Variants in MRPL45 observed in about 807,000 individuals in gnomAD.
The protein encoded by MRPL45 is mitochondrial ribosomal protein L45.
Under a neutral mutation model 38.1 loss-of-function variants are expected in MRPL45, and 20 were observed. That is an observed-to-expected ratio of 0.53 (90% CI 0.37 to 0.76). The LOEUF is 0.76. Ranked by LOEUF, MRPL45 falls within the 30% of genes least tolerant of loss-of-function variation. The pLI is 0.00. For missense variants in MRPL45, 337 were observed against 395.6 expected, an observed-to-expected ratio of 0.85 and a Z score of 1.26; for synonymous variants, 105 against 128.8, an observed-to-expected ratio of 0.82 and a Z score of 1.25.
chr17:38,322,069 A>T, intron 6 of MRPL45, 57 bp from the exon 7 acceptor site: 23 of 1,551,482 alleles, frequency 1.5e-5, no homozygotes, highest in Non-Finnish European at 2.0e-5. Context: ...TAAAACAAAC[A>T]ACTCACACTC....
chr17:38,308,056 C>A (rs1052007126), intron 4 of MRPL45, among the ~76,000 whole-genome samples: 2 of 152,116 alleles, frequency 1.3e-5, no homozygotes, highest in African/African-American at 4.8e-5. Context: ...TAGGGGTATA[C>A]CACCACACCC....
At chr17:38,302,306 G>A (rs1465605256) in intron 3 of MRPL45, among the ~76,000 whole-genome samples, 1 of 151,284 alleles carries the variant, frequency 6.6e-6, no homozygotes, top group East Asian at 2.0e-4. Context: ...GGCCAACATG[G>A]TGAGATCCCA....
In MRPL45 at chr17:38,320,592, T is replaced by A. The variant is rs543557776; in HGVS notation, c.511-26T>A. The A allele has an allele frequency of 1.0e-4, 161 of 1,609,548 alleles. No individual in the cohort carries two copies. In the South Asian group the frequency reaches 1.7e-3, roughly 17 times the overall value. ...TCCTTAAAGGGAGGGAAAAATGCAG[T>A]TGAACTTGTTCTCCTTTGCCCTTAG... On this transcript the variant is annotated intron_variant, in intron 5 of 7. Transcript: ENST00000613675.
chr17:38,307,410 G>C (rs567442883), intron 4 of MRPL45, among the ~76,000 whole-genome samples: 3 of 151,836 alleles, frequency 2.0e-5, no homozygotes, highest in East Asian at 1.9e-4. Flanking sequence ...GCTCACTGCA[G>C]CCTTGACCTC....
intron 4 of MRPL45, among the ~76,000 whole-genome samples, chr17:38,310,775 C>T (rs562293576): frequency 1.3e-5 from 2 of 152,170 alleles, no homozygotes; most frequent in East Asian, 1.9e-4. Context: ...TAGTACATGC[C>T]ACCATACCTG....
chr17:38,321,306 C>G (rs1490841392), intron 6 of MRPL45, among the ~76,000 whole-genome samples: 2 of 152,172 alleles, frequency 1.3e-5, no homozygotes, highest in Non-Finnish European at 2.9e-5. Context: ...CGTCTCTCTG[C>G]CCCCTGTCAA....
chr17:38,299,223 C>A, intron 2 of MRPL45, 128 bp from the exon 3 acceptor site: 1 of 633,976 alleles, frequency 1.6e-6, no homozygotes, highest in Non-Finnish European at 2.7e-6. Context: ...ATAGTTCTCT[C>A]TACATGGAAG....
chr17:38,322,718 T>A lies in MRPL45; in HGVS notation c.*123T>A. 3 of 731,226 alleles carry A rather than the reference T, an allele frequency of 4.1e-6. No individual in the cohort carries two copies. The South Asian group carries it at 5.5e-5, about 13-fold the overall frequency. The allele number at this position is 731,226 out of a possible 1,614,324, so 45.3% of individuals were successfully genotyped here. Reference sequence around the variant, plus strand: ...TTCTCTCCCATCCTGCTCAGGTCTTTTCAGCAGTCTCATCATCAGCAACCA... The same window carrying A: ...TTCTCTCCCATCCTGCTCAGGTCTTATCAGCAGTCTCATCATCAGCAACCA... On this transcript the variant is annotated 3_prime_UTR_variant, in exon 8 of 8. Transcript: ENST00000613675.
At position 38,320,767 on chromosome 17, in the gene MRPL45, G is replaced by C. The variant is rs745981973; in HGVS notation, c.660G>C (p.Gln220His). 3 of 1,613,758 alleles carry C rather than the reference G, an allele frequency of 1.9e-6. No homozygotes were observed. Among genetic ancestry groups the C allele is most frequent in the Non-Finnish European group, 2.5e-6 (3 of 1,180,006 alleles). The change falls in exon 6 of 8, where the codon CAG (glutamine) becomes CAC (histidine). Residue 220 changes from glutamine to histidine, a missense_variant and splice_region_variant. Physicochemically the swap from Gln to His is conservative, Grantham distance 24 (BLOSUM62 0). This residue lies in a region of MRPL45 where 251 missense variants were observed against 269.1 expected (regional missense o/e 0.93). Transcript: ENST00000613675. ...TCACCGTACGCATGCACACCCGGCA[G>C]GTAGAGGCACTCGTCTGCCTTCCTC... ...GQITVRMHTR[Q>H]TLAIYDRFGR...
At chr17:38,319,807 G>A (rs1320609117) in intron 5 of MRPL45, among the ~76,000 whole-genome samples, 1 of 152,050 alleles carries the variant, frequency 6.6e-6, no homozygotes, top group Non-Finnish European at 1.5e-5. Context: ...AGAGATCCAA[G>A]AATAAGAACT....
At chr17:38,315,994 C>T (rs1597654336) in intron 4 of MRPL45, among the ~76,000 whole-genome samples, 3 of 151,996 alleles carry the variant, frequency 2.0e-5, no homozygotes, top group South Asian at 2.1e-4. Context: ...AGGCTGGTCT[C>T]GAACTCCTGA....
rs1281960415 is a variant in MRPL45 at position 38,299,353 on chromosome 17, G to T, written c.247G>T (p.Gly83Cys). The change falls in exon 3 of 8, where the codon GGT becomes TGT. Residue 83 changes from glycine to cysteine, a missense_variant and splice_region_variant. Physicochemically the swap from Gly to Cys is radical, Grantham distance 159 (BLOSUM62 -3). Transcript: ENST00000613675. ...ATTTTTTTCTTCCTTTATTACAGCT[G>T]GTATATTTGATGCCTATGTTCCTCC... is the stretch of plus-strand genomic sequence containing the variant. ...DRSIHLACTA[G>C]IFDAYVPPEG... 6 of 1,577,768 alleles carry T rather than the reference G, an allele frequency of 3.8e-6. No homozygotes were observed. Among genetic ancestry groups the T allele is most frequent in the Admixed American group, 2.0e-5 (1 of 49,588 alleles).
Position 38,322,492 on chromosome 17 carries a change from G to C in MRPL45, c.835-17G>C, listed in dbSNP as rs1373745456. ...ATGGGCTTGGTTGGTGGGTAACCTG[G>C]CGTCCTACTCTTTCAGACGGTGATG... On this transcript the variant is annotated splice_polypyrimidine_tract_variant and intron_variant, in intron 7 of 7. Coordinates refer to ENST00000613675, the MANE Select transcript of MRPL45 (RefSeq NM_032351.6). 6.2e-7 allele frequency: 1 copy of C among 1,610,598 alleles called. No homozygotes were observed. Among genetic ancestry groups the C allele is most frequent in the African/African-American group, 1.3e-5 (1 of 74,794 alleles).
chr17:38,315,152 G>A (rs2037161348), intron 4 of MRPL45, among the ~76,000 whole-genome samples: 1 of 152,216 alleles, frequency 6.6e-6, no homozygotes, highest in South Asian at 2.1e-4. Context: ...TTCCTACATA[G>A]TAGTAAAACA....
chr17:38,312,265 C>T (rs1386376299), intron 4 of MRPL45, among the ~76,000 whole-genome samples: 4 of 152,004 alleles, frequency 2.6e-5, no homozygotes, highest in Non-Finnish European at 2.9e-5. Flanking sequence ...AGGCTGGTCT[C>T]GAACTCCTGA....
rs138400231 is a variant in MRPL45, at chr17:38,306,630, A to G, written c.460A>G (p.Asn154Asp). 197 of 1,613,526 alleles carry G rather than the reference A, an allele frequency of 1.2e-4. No individual in the cohort carries two copies. In the African/African-American group the frequency reaches 2.3e-3, roughly 18 times the overall value. Reference protein sequence around the residue: ...IFIEAHLCLNNSDHDRLHTLV... With the variant: ...IFIEAHLCLNDSDHDRLHTLV... ...TATTGAAGCTCACCTTTGTCTAAAT[A>G]AGTAAGTGAACTCCCTATCTTTACC... The change falls in exon 4 of 8, where the codon AAC becomes GAC. Residue 154 changes from asparagine to aspartate, a missense_variant and splice_region_variant. Physicochemically the swap from Asn to Asp is conservative, Grantham distance 23. This residue lies in a region of MRPL45 where 251 missense variants were observed against 269.1 expected (regional missense o/e 0.93). Coordinates refer to ENST00000613675, the MANE Select transcript of MRPL45 (RefSeq NM_032351.6).
chr17:38,309,975 C>G (rs1395210888), intron 4 of MRPL45, among the ~76,000 whole-genome samples: 1 of 152,058 alleles, frequency 6.6e-6, no homozygotes, highest in Non-Finnish European at 1.5e-5. Flanking sequence ...ATTTTTCCAA[C>G]CTTTTTTTTT....
At position 38,320,764 on chromosome 17, in the gene MRPL45, G is replaced by T; in HGVS notation, c.657G>T (p.Arg219=). Residue 219 remains arginine (R), a synonymous_variant, in exon 6 of 8, where the codon CGG becomes CGT. Transcript: ENST00000613675. ...YGQITVRMHT[R]QTLAIYDRFG... is the part of the protein sequence containing the mutation. ...AGATCACCGTACGCATGCACACCCG[G>T]CAGGTAGAGGCACTCGTCTGCCTTC... 1 of 1,613,814 alleles carries T rather than the reference G, an allele frequency of 6.2e-7. No individual in the cohort carries two copies. Among genetic ancestry groups the T allele is most frequent in the Non-Finnish European group, 8.5e-7 (1 of 1,179,998 alleles).
At chr17:38,306,455 A>G in intron 3 of MRPL45, 78 bp from the exon 4 acceptor site, 1 of 1,411,324 alleles carries the variant, frequency 7.1e-7, no homozygotes, top group South Asian at 1.3e-5. Context: ...GTGGATGGAC[A>G]TGAATGGAGG....
Sources: allele counts gnomAD v4.1 joint callset (sites outside exome capture counted in the v4.1 genomes callset), GRCh38; gene constraint gnomAD v4.1.1; regional missense constraint gnomAD v4.1.1; transcripts MANE v1.5; gene names NCBI Gene and HGNC (gene_info 2026-07-23, HGNC 2026-07-21).